Variants in SBF2 observed in about 807,000 individuals in gnomAD.
The protein encoded by SBF2 is myotubularin-related protein 13.
In SBF2, 112 loss-of-function variants were observed where a neutral mutation model predicts 225.2. The ratio of observed to expected loss-of-function variants is 0.50; its 90% CI spans 0.43 to 0.58. The LOEUF (loss-of-function observed/expected upper bound fraction) is 0.58, where lower values mean the gene tolerates loss of function less well. Ranked by LOEUF, SBF2 falls within the 20% of genes least tolerant of loss-of-function variation. SBF2 has a pLI of 0.00. For missense variants in SBF2, 1,996 were observed against 2,206.2 expected, an observed-to-expected ratio of 0.90 and a Z score of 1.91; for synonymous variants, 763 against 773.3, an observed-to-expected ratio of 0.99 and a Z score of 0.22.
intron 17 of SBF2, among the ~76,000 whole-genome samples, chr11:9,864,059 T>A (rs1417011959): frequency 6.6e-6 from 1 of 151,898 alleles, no homozygotes; most frequent in Non-Finnish European, 1.5e-5. Context: ...TACAACTCAG[T>A]TAGCAGGAGC....
chr11:10,083,551 C>T (rs998713138), intron 2 of SBF2, among the ~76,000 whole-genome samples: 2 of 151,872 alleles, frequency 1.3e-5, no homozygotes, highest in Non-Finnish European at 2.9e-5. Flanking sequence ...ATGGAACATA[C>T]CAGAGAACTA....
intron 16 of SBF2, among the ~76,000 whole-genome samples, chr11:9,925,736 A>T (rs1006456804): frequency 2.0e-5 from 3 of 152,228 alleles, no homozygotes; most frequent in African/African-American, 7.2e-5. Context: ...TTAGACTACA[A>T]TACCCTTAAA....
chr11:10,124,003 T>C (rs760529478), intron 2 of SBF2, among the ~76,000 whole-genome samples: 4 of 152,172 alleles, frequency 2.6e-5, no homozygotes, highest in Non-Finnish European at 5.9e-5. Context: ...CTAACACTAA[T>C]AGTTAGTTAT....
intron 32 of SBF2, among the ~76,000 whole-genome samples, chr11:9,800,633 T>G (rs1305287731): frequency 6.6e-6 from 1 of 152,158 alleles, no homozygotes; most frequent in Non-Finnish European, 1.5e-5. Context: ...GGTCTCTATC[T>G]CCTGACCTCG....
chr11:9,884,258 A>T (rs949651796), intron 17 of SBF2, among the ~76,000 whole-genome samples: 1 of 152,216 alleles, frequency 6.6e-6, no homozygotes, highest in Non-Finnish European at 1.5e-5. Flanking sequence ...CATCAATTCA[A>T]TTCAAGAAAC....
intron 17 of SBF2, among the ~76,000 whole-genome samples, chr11:9,872,778 G>A (rs1424580792): frequency 2.0e-5 from 3 of 152,044 alleles, no homozygotes; most frequent in Admixed American, 6.6e-5. Context: ...CACTTTGGGA[G>A]GTTGAGGCAA....
chr11:10,272,849 T>G (rs1263174913), intron 1 of SBF2, among the ~76,000 whole-genome samples: 1 of 151,000 alleles, frequency 6.6e-6, no homozygotes, highest in African/African-American at 2.4e-5. Flanking sequence ...GGTGGACAGA[T>G]CACCTGAGGT....
At chr11:10,236,333 G>A (rs1414146824) in intron 1 of SBF2, among the ~76,000 whole-genome samples, 1 of 152,126 alleles carries the variant, frequency 6.6e-6, no homozygotes, top group Non-Finnish European at 1.5e-5. Flanking sequence ...ATAGTAGTAT[G>A]CATATGCAGT....
At chr11:9,808,316 A>G in intron 31 of SBF2, 131 bp from the exon 32 acceptor site, 1 of 745,084 alleles carries the variant, frequency 1.3e-6, no homozygotes, top group Non-Finnish European at 2.3e-6. Flanking sequence ...TTCACTAACC[A>G]TTCCAGGATG....
At chr11:10,053,925 CAA>C (rs78464162) in intron 2 of SBF2, among the ~76,000 whole-genome samples, 16 of 134,662 alleles carry the variant, frequency 1.2e-4, no homozygotes, top group Non-Finnish European at 9.7e-5. Context: ...GTTCTTCCAC[CAA>C]AAAAAAAAAA....
intron 16 of SBF2, among the ~76,000 whole-genome samples, chr11:9,911,399 T>A (rs1255216326): frequency 2.0e-5 from 3 of 149,904 alleles, no homozygotes; most frequent in Non-Finnish European, 4.5e-5. Context: ...AAAAAAAAAA[T>A]TGAAAACACT....
At chr11:10,200,117 A>G (rs1290444596) in intron 1 of SBF2, among the ~76,000 whole-genome samples, 1 of 152,168 alleles carries the variant, frequency 6.6e-6, no homozygotes, top group African/African-American at 2.4e-5. Flanking sequence ...TTTTATATAC[A>G]TATGAAACAG....
intron 1 of SBF2, among the ~76,000 whole-genome samples, chr11:10,284,333 C>T (rs1211889318): frequency 6.6e-6 from 1 of 151,992 alleles, no homozygotes; most frequent in East Asian, 1.9e-4. Flanking sequence ...TATATGTATC[C>T]ACCACCCAGT....
intron 2 of SBF2, among the ~76,000 whole-genome samples, chr11:10,053,670 A>C (rs1305270025): frequency 2.0e-5 from 3 of 151,964 alleles, no homozygotes; most frequent in Non-Finnish European, 4.4e-5. Flanking sequence ...CCAGAGGACC[A>C]CTTGAGCCTA....
intron 2 of SBF2, among the ~76,000 whole-genome samples, chr11:10,070,950 G>T (rs1419352818): frequency 3.3e-5 from 5 of 152,086 alleles, no homozygotes; most frequent in African/African-American, 1.2e-4. Context: ...CTCATGGTTT[G>T]GCTCTCTGTT....
At chr11:10,299,579 T>C (rs1480860391) in intron 1 of SBF2, among the ~76,000 whole-genome samples, 7 of 152,182 alleles carry the variant, frequency 4.6e-5, no homozygotes, top group Non-Finnish European at 8.8e-5. Flanking sequence ...TTCAGAAATG[T>C]TGGAGAATTT....
chr11:9,975,639 A>G (rs561946658), intron 13 of SBF2, among the ~76,000 whole-genome samples: 1 of 152,322 alleles, frequency 6.6e-6, no homozygotes, highest in East Asian at 1.9e-4. Context: ...AAATTAGATC[A>G]TGATAAACCT....
chr11:9,783,357 C>A (rs1329338080), intron 38 of SBF2, among the ~76,000 whole-genome samples: 2 of 152,202 alleles, frequency 1.3e-5, no homozygotes, highest in African/African-American at 4.8e-5. Flanking sequence ...ATACAGTCTT[C>A]ATTTGGAAGG....
intron 32 of SBF2, among the ~76,000 whole-genome samples, chr11:9,804,988 T>C (rs969121291): frequency 1.2e-4 from 18 of 152,192 alleles, no homozygotes; most frequent in Admixed American, 9.8e-4. Context: ...CTCACGCCTG[T>C]AATCCCAGTA....
Sources: gnomAD v4.1 joint callset for allele counts (sites outside exome capture counted in the v4.1 genomes callset) on GRCh38, gnomAD v4.1.1 for gene constraint, MANE v1.5 for transcripts, NCBI Gene and HGNC (gene_info 2026-07-23, HGNC 2026-07-21) for gene names.